Variants in COBL observed in about 807,000 individuals in gnomAD.
COBL encodes the protein protein cordon-bleu.
In COBL, 51 loss-of-function variants were observed where a neutral mutation model predicts 98.8. That is an observed-to-expected ratio of 0.52 (90% CI 0.41 to 0.65). COBL has a LOEUF of 0.65. Among genes scored for constraint, COBL ranks in the 30% least tolerant of loss-of-function variants. The probability of loss-of-function intolerance (pLI) is 0.00; values close to 1 mark genes in which losing one functional copy is unlikely to be tolerated. For missense variants in COBL, 1,617 were observed against 1,617.5 expected (o/e 1.00, Z 0.01); for synonymous variants, 634 against 651.7 (o/e 0.97, Z 0.41).
At chr7:51,070,690 T>C (rs1377442602) in intron 7 of COBL, 2 of 152,254 alleles carry the variant, frequency 1.3e-5, no homozygotes, top group African/African-American at 4.8e-5. Flanking sequence ...TGTATCATTT[T>C]ATGGATCCAA....
At chr7:51,157,503 G>T (rs762591990) in intron 5 of COBL, among the ~76,000 whole-genome samples, 8 of 152,182 alleles carry the variant, frequency 5.3e-5, no homozygotes, top group Non-Finnish European at 1.2e-4. Context: ...AGTGCCCCCT[G>T]GTCTGCTGAT....
At chr7:51,113,582 A>G (rs1373218529) in intron 6 of COBL, among the ~76,000 whole-genome samples, 2 of 152,242 alleles carry the variant, frequency 1.3e-5, no homozygotes, top group Non-Finnish European at 2.9e-5. Context: ...GGCTAAATAG[A>G]AAAACACAAA....
chr7:51,193,645 C>G (rs1297494410), intron 2 of COBL, 56 bp from the exon 3 acceptor site: 11 of 1,513,468 alleles, frequency 7.3e-6, no homozygotes, highest in South Asian at 2.3e-5. Flanking sequence ...CTCTCTTTTG[C>G]CTGGCTAAAT....
At chr7:51,210,614 C>T (rs1025809493) in intron 2 of COBL, among the ~76,000 whole-genome samples, 6 of 152,184 alleles carry the variant, frequency 3.9e-5, no homozygotes, top group Admixed American at 1.3e-4. Context: ...TGGACACACA[C>T]AAGCTCAACC....
intron 7 of COBL, chr7:51,071,564 C>T (rs118017205): frequency 0.028 from 4,316 of 152,208 alleles, 85 homozygotes; most frequent in Admixed American, 0.056. Flanking sequence ...TGTTTTCCCC[C>T]ACCACATACC....
intron 1 of COBL, among the ~76,000 whole-genome samples, chr7:51,268,902 C>T (rs1421225622): frequency 2.0e-5 from 3 of 149,616 alleles, no homozygotes; most frequent in Non-Finnish European, 4.4e-5. Flanking sequence ...TGCACTCCAG[C>T]CTGGGTGACA....
At chr7:51,262,823 C>G (rs1029104292) in intron 1 of COBL, among the ~76,000 whole-genome samples, 1 of 152,144 alleles carries the variant, frequency 6.6e-6, no homozygotes, top group African/African-American at 2.4e-5. Flanking sequence ...CTGTCCTTCC[C>G]TCACTGCCCA....
intron 1 of COBL, among the ~76,000 whole-genome samples, chr7:51,294,232 AC>A (rs561452197): frequency 8.6e-4 from 131 of 151,982 alleles, no homozygotes; most frequent in African/African-American, 2.7e-3. Flanking sequence ...CAGAGGCTGC[AC>A]TGAGCAGAGA....
intron 1 of COBL, among the ~76,000 whole-genome samples, chr7:51,237,259 A>T (rs987721715): frequency 1.3e-5 from 2 of 152,124 alleles, no homozygotes; most frequent in Non-Finnish European, 2.9e-5. Context: ...CTGAAAGTTA[A>T]TTTTTTCATC....
At chr7:51,223,617 C>A (rs930907352) in intron 1 of COBL, among the ~76,000 whole-genome samples, 4 of 152,350 alleles carry the variant, frequency 2.6e-5, no homozygotes, top group African/African-American at 2.4e-5. Flanking sequence ...CAACCAGTCC[C>A]CCAACTGCCT....
At chr7:51,211,898 T>C (rs752599223) in intron 2 of COBL, among the ~76,000 whole-genome samples, 3 of 152,112 alleles carry the variant, frequency 2.0e-5, no homozygotes, top group Non-Finnish European at 4.4e-5. Context: ...CCTCTCTCTC[T>C]CTCATCATCT....
intron 5 of COBL, chr7:51,156,530 C>A: frequency 3.0e-6 from 3 of 984,858 alleles, no homozygotes; most frequent in Non-Finnish European, 3.6e-6. Context: ...AATTACAGAT[C>A]CAGAATATAT....
At chr7:51,309,307 C>G (rs980597046) in intron 1 of COBL, among the ~76,000 whole-genome samples, 2 of 152,172 alleles carry the variant, frequency 1.3e-5, no homozygotes, top group African/African-American at 4.8e-5. Flanking sequence ...CAGATGGAGA[C>G]TGCACACCAG....
chr7:51,255,469 C>A (rs1347841531), intron 1 of COBL, among the ~76,000 whole-genome samples: 3 of 152,194 alleles, frequency 2.0e-5, no homozygotes, highest in Non-Finnish European at 4.4e-5. Flanking sequence ...TGCAGTGAGA[C>A]CAGTTGTCTT....
At chr7:51,152,440 GC>G (rs752636226) in intron 5 of COBL, among the ~76,000 whole-genome samples, 54 of 152,242 alleles carry the variant, frequency 3.5e-4, no homozygotes, top group Admixed American at 2.0e-3. Context: ...CCCCCAAGCT[GC>G]CGACTCCCAC....
Position 51,114,480 on chromosome 7 carries a change from G to T in COBL, c.957+21678C>A, listed in dbSNP as rs189012782. Among the ~76,000 whole-genome samples, 163 of 152,046 alleles carry T rather than the reference G, an allele frequency of 1.1e-3. 2 individuals carry two copies. Among genetic ancestry groups the T allele is most frequent in the Non-Finnish European group, 1.8e-3 (120 of 67,968 alleles). ...TAGAATAAAACTTTAAAAAAGGAAA[G>T]AAATCACAGTTAGCCAGAATCTCAT... On this transcript the variant is annotated intron_variant, in intron 6 of 12. Transcript: ENST00000265136.
At chr7:51,172,559 C>T (rs1259932601) in intron 5 of COBL, 1 of 1,273,546 alleles carries the variant, frequency 7.9e-7, no homozygotes, top group Admixed American at 2.5e-5. Context: ...GCCACATCAT[C>T]TCCAGGTGAA....
chr7:51,161,874 T>C (rs1427472691), intron 5 of COBL, among the ~76,000 whole-genome samples: 1 of 152,198 alleles, frequency 6.6e-6, no homozygotes, highest in African/African-American at 2.4e-5. Flanking sequence ...TCCTGGTGAA[T>C]AACAGAACCA....
At chr7:51,304,714 C>T (rs1802293030) in intron 1 of COBL, among the ~76,000 whole-genome samples, 1 of 151,776 alleles carries the variant, frequency 6.6e-6, no homozygotes, top group Admixed American at 6.6e-5. Flanking sequence ...GGGAAAATAA[C>T]AATATTTTAT....
Sources: gnomAD v4.1 joint callset for allele counts (sites outside exome capture counted in the v4.1 genomes callset) on GRCh38, gnomAD v4.1.1 for gene constraint, MANE v1.5 for transcripts, NCBI Gene and HGNC (gene_info 2026-07-23, HGNC 2026-07-21) for gene names.